GPR158: variants seen among roughly 807,000 people sequenced by gnomAD.
GPR158 encodes the protein G protein-coupled receptor 158.
In GPR158, 30 loss-of-function variants were observed where a neutral mutation model predicts 78.2. The ratio of observed to expected loss-of-function variants is 0.38; its 90% confidence interval spans 0.29 to 0.52. The LOEUF (loss-of-function observed/expected upper bound fraction) is 0.52. Among genes scored for constraint, GPR158 ranks in the 20% least tolerant of loss-of-function variants. The pLI is 0.83. For synonymous variants in GPR158, 581 were observed against 591.1 expected (o/e 0.98, Z 0.25); for missense variants, 1,463 against 1,523.5 (o/e 0.96, Z 0.66).
chr10:25,585,097 G>A (rs1338036125), intron 7 of GPR158, among the ~76,000 whole-genome samples: 1 of 152,162 alleles, frequency 6.6e-6, no homozygotes, highest in African/African-American at 2.4e-5. Flanking sequence ...CAATTAATCA[G>A]TTACAAAGAA....
intron 1 of GPR158, among the ~76,000 whole-genome samples, chr10:25,203,123 G>A (rs542219155): frequency 6.6e-6 from 1 of 152,254 alleles, no homozygotes; most frequent in African/African-American, 2.4e-5. Context: ...TTGCAAATTT[G>A]TTTAGGTTCT....
chr10:25,255,104 C>T (rs1853873494), intron 2 of GPR158, among the ~76,000 whole-genome samples: 1 of 152,142 alleles, frequency 6.6e-6, no homozygotes, highest in Non-Finnish European at 1.5e-5. Context: ...TATATTGATT[C>T]CCTCTCAGTC....
chr10:25,368,797 C>T (rs1833944061), intron 2 of GPR158, among the ~76,000 whole-genome samples: 1 of 144,678 alleles, frequency 6.9e-6, no homozygotes, highest in Non-Finnish European at 1.5e-5. Flanking sequence ...TCTTCCTACC[C>T]ATGAGCATGG....
intron 4 of GPR158, among the ~76,000 whole-genome samples, chr10:25,429,612 T>C (rs1271589275): frequency 6.6e-6 from 1 of 151,958 alleles, no homozygotes; most frequent in Non-Finnish European, 1.5e-5. Context: ...AAATCCTCAA[T>C]AAAATACTGG....
chr10:25,513,331 G>GTACA, intron 5 of GPR158, among the ~76,000 whole-genome samples: 1 of 151,804 alleles, frequency 6.6e-6, no homozygotes, highest in East Asian at 1.9e-4. Flanking sequence ...TGCATTCATA[G>GTACA]TAGCCTTGAA....
chr10:25,266,176 T>A (rs1854042799), intron 2 of GPR158, among the ~76,000 whole-genome samples: 1 of 152,230 alleles, frequency 6.6e-6, no homozygotes, highest in African/African-American at 2.4e-5. Flanking sequence ...TGACCTTAAG[T>A]TTCTTTGTTA....
At chr10:25,554,479 A>G (rs1164421518) in intron 6 of GPR158, among the ~76,000 whole-genome samples, 1 of 152,146 alleles carries the variant, frequency 6.6e-6, no homozygotes. Context: ...TTCCTGTAGC[A>G]CTGAAAACTT....
In GPR158 at chr10:25,175,859, G is replaced by A. The variant is rs1235700816; in HGVS notation, c.439G>A (p.Glu147Lys). 6.2e-7 allele frequency: 1 copy of A among 1,613,800 alleles called. No homozygotes were observed. Among genetic ancestry groups the A allele is most frequent in the Non-Finnish European group, 8.5e-7 (1 of 1,179,998 alleles). The change falls in exon 1 of 11, where the codon GAG becomes AAG. Residue 147 changes from glutamate (E) to lysine (K), a missense_variant. Coordinates refer to ENST00000376351, the MANE Select transcript of GPR158 (RefSeq NM_020752.3). The surrounding 1 kb of genome is among the most constrained non-coding windows in gnomAD (Gnocchi z 6.4). ...NVMLQSNKSR[E>K]QNLQDDLDWY... is the part of the protein sequence containing the mutation. The stretch of plus-strand genomic sequence containing the variant: ...GATGCTGCAGAGCAATAAGTCGCGG[G>A]AGCAGAACTTGCAGGACGACCTGGA...
chr10:25,233,444 G>C (rs1194085360), intron 2 of GPR158, among the ~76,000 whole-genome samples: 1 of 151,932 alleles, frequency 6.6e-6, no homozygotes, highest in Non-Finnish European at 1.5e-5. Flanking sequence ...CTATTGAGTT[G>C]ATTCTATATT....
At chr10:25,300,284 C>T (rs1386820510) in intron 2 of GPR158, among the ~76,000 whole-genome samples, 5 of 152,154 alleles carry the variant, frequency 3.3e-5, no homozygotes, top group African/African-American at 1.2e-4. Flanking sequence ...TGGCTTCTGG[C>T]TCCCTTCTTC....
intron 5 of GPR158, among the ~76,000 whole-genome samples, chr10:25,468,870 A>G (rs1835457974): frequency 6.6e-6 from 1 of 152,228 alleles, no homozygotes; most frequent in African/African-American, 2.4e-5. Context: ...GAGATGAGTT[A>G]ATGCAAACAA....
At chr10:25,376,633 T>C (rs558085751) in intron 2 of GPR158, among the ~76,000 whole-genome samples, 1 of 151,874 alleles carries the variant, frequency 6.6e-6, no homozygotes, top group Non-Finnish European at 1.5e-5. Context: ...GGGATCATTT[T>C]CTCTCTGCCT....
intron 2 of GPR158, among the ~76,000 whole-genome samples, chr10:25,334,392 T>A (rs1249475383): frequency 6.6e-6 from 1 of 152,094 alleles, no homozygotes; most frequent in Non-Finnish European, 1.5e-5. Flanking sequence ...AATCTATAAT[T>A]ATCATTTTTG....
intron 4 of GPR158, among the ~76,000 whole-genome samples, chr10:25,431,687 T>C (rs182130684): frequency 6.6e-6 from 1 of 150,822 alleles, no homozygotes; most frequent in Non-Finnish European, 1.5e-5. Flanking sequence ...CCATAAAAAA[T>C]GATGAGTTCA....
At chr10:25,359,664 G>A (rs1302869852) in intron 2 of GPR158, among the ~76,000 whole-genome samples, 1 of 152,116 alleles carries the variant, frequency 6.6e-6, no homozygotes, top group African/African-American at 2.4e-5. Context: ...ATCATTGATG[G>A]GCATTTTGGT....
intron 6 of GPR158, among the ~76,000 whole-genome samples, chr10:25,564,428 T>C (rs1325600848): frequency 1.3e-5 from 2 of 152,222 alleles, no homozygotes; most frequent in Non-Finnish European, 2.9e-5. Flanking sequence ...CGATTGTTTG[T>C]CTTAACCATT....
At chr10:25,426,058 C>T (rs893012377) in intron 4 of GPR158, among the ~76,000 whole-genome samples, 2 of 152,054 alleles carry the variant, frequency 1.3e-5, no homozygotes, top group African/African-American at 4.8e-5. Context: ...AATTCTGGTT[C>T]TTTAATTTTC....
chr10:25,375,583 CTTTTG>C (rs1398841861), intron 2 of GPR158, among the ~76,000 whole-genome samples: 1 of 151,146 alleles, frequency 6.6e-6, no homozygotes, highest in Non-Finnish European at 1.5e-5. Flanking sequence ...TTTTTGTTTT[CTTTTG>C]TTTTGTTTTT....
intron 4 of GPR158, among the ~76,000 whole-genome samples, chr10:25,443,814 C>G (rs1835101928): frequency 6.6e-6 from 1 of 151,956 alleles, no homozygotes; most frequent in Non-Finnish European, 1.5e-5. Context: ...TGCCATCACC[C>G]CATGTAGTCA....
Sources: gnomAD v4.1 joint callset for allele counts (sites outside exome capture counted in the v4.1 genomes callset) on GRCh38, gnomAD v4.1.1 for gene constraint, Gnocchi (gnomAD v3.1) non-coding constraint, MANE v1.5 for transcripts, NCBI Gene and HGNC (gene_info 2026-07-23, HGNC 2026-07-21) for gene names.